Variants in FOXN3 observed in about 807,000 individuals in gnomAD.
FOXN3 encodes the protein forkhead box protein N3.
FOXN3 carries 7 observed loss-of-function variants against 38.4 expected under a neutral mutation model. That is an observed-to-expected ratio of 0.18 (90% confidence interval 0.10 to 0.34). The LOEUF (loss-of-function observed/expected upper bound fraction) is 0.34, where lower values mean the gene tolerates loss of function less well. FOXN3 is among the 10% of genes least tolerant of loss of function. FOXN3 has a pLI of 1.00. For synonymous variants in FOXN3, 230 were observed against 242.2 expected, an observed-to-expected ratio of 0.95 and a Z score of 0.47; for missense variants, 456 against 613.4, an observed-to-expected ratio of 0.74 and a Z score of 2.71.
intron 1 of FOXN3, among the ~76,000 whole-genome samples, chr14:89,617,435 T>C (rs1896514821): frequency 6.6e-6 from 1 of 152,266 alleles, no homozygotes; most frequent in Non-Finnish European, 1.5e-5. Flanking sequence ...TTGCTTTTCA[T>C]TGTCTTTTCC....
intron 1 of FOXN3, among the ~76,000 whole-genome samples, chr14:89,558,787 T>C (rs1421109670): frequency 2.0e-5 from 3 of 152,048 alleles, no homozygotes; most frequent in Non-Finnish European, 2.9e-5. Flanking sequence ...GGGTACACCA[T>C]TGCCCCAGCT....
chr14:89,366,983 T>A (rs1890179059), intron 2 of FOXN3, among the ~76,000 whole-genome samples: 1 of 152,234 alleles, frequency 6.6e-6, no homozygotes, highest in African/African-American at 2.4e-5. Flanking sequence ...TTGTTCAAAG[T>A]ACCTGGCCAG....
At chr14:89,300,145 A>C (rs534400098) in intron 3 of FOXN3, among the ~76,000 whole-genome samples, 214 of 150,756 alleles carry the variant, frequency 1.4e-3, no homozygotes, top group Non-Finnish European at 2.6e-3. Flanking sequence ...TGACCTATTT[A>C]TCTTTCAGGA....
At chr14:89,360,767 T>TCCAGCACCACCACCTCCAGC (rs1889494212) in intron 2 of FOXN3, among the ~76,000 whole-genome samples, 1 of 17,810 alleles carries the variant, frequency 5.6e-5, no homozygotes, top group Non-Finnish European at 9.8e-5. Context: ...CCTCCACCAC[T>TCCAGCACCACCACCTCCAGC]ACCACCTCCA....
chr14:89,220,134 G>A lies in FOXN3; in HGVS notation c.746-39328C>T, dbSNP rs1479502432. On this transcript the variant is annotated intron_variant, in intron 4 of 5. Transcript: ENST00000557258. ...ATCACATTATTCTTCTTCCTCTTGC[G>A]AGGCCCAGCAGATCTCCCAGAGAAG... 2.6e-5 allele frequency among the ~76,000 whole-genome samples: 4 copies of A among 151,942 alleles called. No individual in the cohort carries two copies. In the East Asian group the frequency reaches 5.8e-4, roughly 22 times the overall value.
rs183028462 is a variant in FOXN3 at position 89,279,816 on chromosome 14, T to C, written c.745+1134A>G. Among the ~76,000 whole-genome samples the C allele has an allele frequency of 2.3e-3, 356 of 152,318 alleles. 5 individuals are homozygous for C. The highest frequency in any genetic ancestry group is 0.019 in the Admixed American group (297 of 15,294). On this transcript the variant is annotated intron_variant, in intron 4 of 5. Coordinates refer to ENST00000557258, the MANE Select transcript of FOXN3 (RefSeq NM_005197.4). ...ATTTCACAGGCTATTAAAATCACAG[T>C]ATGCAATTGCGTGGCCTATAAATCA...
At chr14:89,166,932 T>C (rs1359413358) in intron 5 of FOXN3, among the ~76,000 whole-genome samples, 1 of 152,240 alleles carries the variant, frequency 6.6e-6, no homozygotes. Context: ...AACCAGCCAT[T>C]CTGAACATGT....
chr14:89,611,393 T>C (rs917397467), intron 1 of FOXN3, among the ~76,000 whole-genome samples: 1 of 152,236 alleles, frequency 6.6e-6, no homozygotes, highest in Non-Finnish European at 1.5e-5. Flanking sequence ...CTGCCAATTA[T>C]AGCCAGTTAG....
At chr14:89,355,648 T>C (rs1889188095) in intron 2 of FOXN3, among the ~76,000 whole-genome samples, 1 of 152,198 alleles carries the variant, frequency 6.6e-6, no homozygotes, top group South Asian at 2.1e-4. Flanking sequence ...TGTAACAAAC[T>C]AGAACCAAAT....
chr14:89,355,848 G>A (rs1193220937), intron 2 of FOXN3, among the ~76,000 whole-genome samples: 1 of 152,104 alleles, frequency 6.6e-6, no homozygotes, highest in Non-Finnish European at 1.5e-5. Flanking sequence ...CACCACTTGT[G>A]AGGAAGAAAG....
intron 2 of FOXN3, chr14:89,400,054 T>A (rs897621387): frequency 3.3e-5 from 5 of 152,222 alleles, no homozygotes; most frequent in Non-Finnish European, 7.3e-5. Context: ...GAGATGCGGC[T>A]GCCCCAAGCA....
At chr14:89,402,824 A>T (rs765841807) in intron 2 of FOXN3, among the ~76,000 whole-genome samples, 1 of 152,238 alleles carries the variant, frequency 6.6e-6, no homozygotes, top group Non-Finnish European at 1.5e-5. Flanking sequence ...CATGTAATGG[A>T]GAAATACGCC....
chr14:89,213,678 T>C (rs909337199), intron 4 of FOXN3, among the ~76,000 whole-genome samples: 1 of 152,230 alleles, frequency 6.6e-6, no homozygotes, highest in Non-Finnish European at 1.5e-5. Context: ...TTTGAGGACA[T>C]GAGCCTTTCA....
intron 1 of FOXN3, among the ~76,000 whole-genome samples, chr14:89,530,860 T>G (rs1404203921): frequency 4.0e-5 from 6 of 150,684 alleles, no homozygotes; most frequent in Non-Finnish European, 8.9e-5. Flanking sequence ...TCCACCTGCC[T>G]CAACCTCCCA....
At chr14:89,172,698 C>T (rs541810522) in intron 5 of FOXN3, among the ~76,000 whole-genome samples, 2 of 152,186 alleles carry the variant, frequency 1.3e-5, no homozygotes, top group South Asian at 2.1e-4. Flanking sequence ...AAAATAAACC[C>T]ACAAATAGAA....
At chr14:89,334,963 C>T (rs1888399576) in intron 3 of FOXN3, among the ~76,000 whole-genome samples, 1 of 151,980 alleles carries the variant, frequency 6.6e-6, no homozygotes, top group Admixed American at 6.6e-5. Flanking sequence ...GATGGGGTTT[C>T]ACCATCTTGG....
intron 1 of FOXN3, among the ~76,000 whole-genome samples, chr14:89,416,091 G>C (rs1566648054): frequency 6.6e-6 from 1 of 152,198 alleles, no homozygotes. Flanking sequence ...GCAGTAGCGA[G>C]TTTGGGGGGC....
rs188218630 is a variant in FOXN3 at position 89,307,687 on chromosome 14, C to T, written c.681-26673G>A. On this transcript the variant is annotated intron_variant, in intron 3 of 5. Transcript: ENST00000557258. ...CACCTCTGCTTATTCTTGGGAGACA[C>T]GTGTTTGCATCCTATTACAACCCAT... Among the ~76,000 whole-genome samples the T allele has an allele frequency of 3.6e-3, 554 of 151,952 alleles. 3 individuals carry two copies. Among genetic ancestry groups the T allele is most frequent in the Middle Eastern group, 0.014 (4 of 294 alleles).
At chr14:89,243,081 G>A (rs1384728671) in intron 4 of FOXN3, among the ~76,000 whole-genome samples, 1 of 152,222 alleles carries the variant, frequency 6.6e-6, no homozygotes, top group East Asian at 1.9e-4. Context: ...ATAAGAGGCA[G>A]CAGTGTGGCC....
Sources: gnomAD v4.1 joint callset for allele counts (sites outside exome capture counted in the v4.1 genomes callset) on GRCh38, gnomAD v4.1.1 for gene constraint, MANE v1.5 for transcripts, NCBI Gene and HGNC (gene_info 2026-07-23, HGNC 2026-07-21) for gene names.